FSTL4: variants seen among roughly 807,000 people sequenced by gnomAD.
FSTL4 encodes follistatin-related protein 4.
In FSTL4, 28 loss-of-function variants were observed where a neutral mutation model predicts 78.2. The observed-to-expected ratio is 0.36, with a 90% CI of 0.27 to 0.49. The LOEUF is 0.49. Ranked by LOEUF, FSTL4 falls within the 20% of genes least tolerant of loss-of-function variation. The probability of loss-of-function intolerance (pLI) is 0.98; values close to 1 mark genes in which losing one functional copy is unlikely to be tolerated. For synonymous variants in FSTL4, 422 were observed against 440.5 expected, an observed-to-expected ratio of 0.96 and a Z score of 0.53; for missense variants, 922 against 1,084.9, an observed-to-expected ratio of 0.85 and a Z score of 2.11.
the FSTL4 span, among the ~76,000 whole-genome samples, chr5:133,829,787 C>T: frequency 6.6e-6 from 1 of 152,174 alleles, no homozygotes; most frequent in East Asian, 1.9e-4. Context: ...TGCTGCCAGC[C>T]CTGAGGAAGA....
At chr5:133,495,022 T>C (rs1051319866) in intron 3 of FSTL4, among the ~76,000 whole-genome samples, 1 of 152,214 alleles carries the variant, frequency 6.6e-6, no homozygotes, top group African/African-American at 2.4e-5. Context: ...ATATCCATGT[T>C]GAATCAACAA....
At chr5:133,533,547 G>A (rs1331706881) in intron 3 of FSTL4, among the ~76,000 whole-genome samples, 2 of 152,144 alleles carry the variant, frequency 1.3e-5, no homozygotes, top group Non-Finnish European at 2.9e-5. Flanking sequence ...TGCCTGGCCA[G>A]TAAGTTTATA....
At chr5:133,696,338 C>T in the FSTL4 span, among the ~76,000 whole-genome samples, 1 of 152,236 alleles carries the variant, frequency 6.6e-6, no homozygotes, top group Non-Finnish European at 1.5e-5. Flanking sequence ...CCTGCCGAAG[C>T]CCTGTGACCA....
At chr5:133,423,659 C>T (rs1485498660) in intron 3 of FSTL4, among the ~76,000 whole-genome samples, 1 of 152,000 alleles carries the variant, frequency 6.6e-6, no homozygotes, top group Non-Finnish European at 1.5e-5. Flanking sequence ...GTAGTGGTGA[C>T]GGCAGGGATG....
the FSTL4 span, among the ~76,000 whole-genome samples, chr5:133,811,197 T>C: frequency 6.6e-6 from 1 of 152,198 alleles, no homozygotes; most frequent in Non-Finnish European, 1.5e-5. Flanking sequence ...AGTTCTGATA[T>C]AGACAATTAG....
chr5:133,668,917 C>T, the FSTL4 span, among the ~76,000 whole-genome samples: 6 of 152,146 alleles, frequency 3.9e-5, no homozygotes, highest in African/African-American at 1.4e-4. Flanking sequence ...AGAAATGTTT[C>T]CAAGTTTCAT....
chr5:133,422,547 C>A (rs2126988594), intron 3 of FSTL4, among the ~76,000 whole-genome samples: 2 of 147,990 alleles, frequency 1.4e-5, no homozygotes, highest in Middle Eastern at 3.5e-3. Context: ...GTGTCAAGAC[C>A]AGGTTTGGAA....
the FSTL4 span, among the ~76,000 whole-genome samples, chr5:133,723,992 A>G: frequency 1.3e-5 from 2 of 152,190 alleles, no homozygotes; most frequent in South Asian, 2.1e-4. Context: ...TGGCAGCAAA[A>G]TTGGGCAGGC....
At chr5:133,461,646 C>T (rs778668645) in intron 3 of FSTL4, among the ~76,000 whole-genome samples, 7 of 152,092 alleles carry the variant, frequency 4.6e-5, no homozygotes, top group Admixed American at 1.3e-4. Context: ...ATATCTGGGG[C>T]GCCCAATAAG....
chr5:133,818,418 T>G, the FSTL4 span, among the ~76,000 whole-genome samples: 1 of 152,124 alleles, frequency 6.6e-6, no homozygotes, highest in Non-Finnish European at 1.5e-5. Flanking sequence ...CTCCACTAGC[T>G]CTGTGTGCTG....
At chr5:133,804,859 G>A in the FSTL4 span, among the ~76,000 whole-genome samples, 3 of 149,532 alleles carry the variant, frequency 2.0e-5, no homozygotes, top group Admixed American at 1.3e-4. Context: ...CAGGAGAACG[G>A]CATGAACCCG....
intron 4 of FSTL4, among the ~76,000 whole-genome samples, chr5:133,378,267 T>C (rs1312852515): frequency 6.6e-6 from 1 of 152,216 alleles, no homozygotes; most frequent in East Asian, 1.9e-4. Context: ...TCTCCTTTCT[T>C]GTTAGCTGAT....
At position 133,339,088 on chromosome 5, in the gene FSTL4, C is replaced by T. The variant is rs542730932; in HGVS notation, c.410-22436G>A. ...CTCCAGCCTCATCCTTCCCCACTCA[C>T]ACACCCGTTCTGGCGACCCTGCGCC... On this transcript the variant is annotated intron_variant, in intron 4 of 15. Coordinates refer to ENST00000265342, the MANE Select transcript of FSTL4 (RefSeq NM_015082.2). 3.9e-5 allele frequency among the ~76,000 whole-genome samples: 6 copies of T among 152,292 alleles called. No individual in the cohort carries two copies. The South Asian group carries it at 1.2e-3, about 32-fold the overall frequency.
chr5:133,409,678 C>A (rs1241157929), intron 3 of FSTL4, among the ~76,000 whole-genome samples: 1 of 152,232 alleles, frequency 6.6e-6, no homozygotes, highest in Non-Finnish European at 1.5e-5. Flanking sequence ...CCACTTCATT[C>A]AGAGCTCAGC....
At chr5:133,821,804 C>T in the FSTL4 span, among the ~76,000 whole-genome samples, 1 of 152,082 alleles carries the variant, frequency 6.6e-6, no homozygotes, top group African/African-American at 2.4e-5. Context: ...GCAACATGCT[C>T]AGAAAGGACA....
At chr5:133,474,042 G>A (rs1212331290) in intron 3 of FSTL4, among the ~76,000 whole-genome samples, 5 of 152,096 alleles carry the variant, frequency 3.3e-5, no homozygotes, top group Non-Finnish European at 7.3e-5. Context: ...TTGCTACAGG[G>A]ATGGTATGAT....
At chr5:133,387,576 T>C (rs1480769580) in intron 4 of FSTL4, among the ~76,000 whole-genome samples, 2 of 152,200 alleles carry the variant, frequency 1.3e-5, no homozygotes, top group African/African-American at 4.8e-5. Flanking sequence ...TGCCTTTTCT[T>C]GGCAACAGAA....
chr5:133,635,937 A>G, the FSTL4 span, among the ~76,000 whole-genome samples: 1 of 152,216 alleles, frequency 6.6e-6, no homozygotes, highest in Non-Finnish European at 1.5e-5. Flanking sequence ...AATGACCATG[A>G]GTATGAGAAG....
intron 4 of FSTL4, among the ~76,000 whole-genome samples, chr5:133,331,888 T>G (rs1194635856): frequency 1.3e-5 from 2 of 152,210 alleles, no homozygotes; most frequent in African/African-American, 4.8e-5. Flanking sequence ...CTGAGGATTA[T>G]CTACACGGGA....
Sources: gnomAD v4.1 joint callset for allele counts (sites outside exome capture counted in the v4.1 genomes callset) on GRCh38, gnomAD v4.1.1 for gene constraint, MANE v1.5 for transcripts, NCBI Gene and HGNC (gene_info 2026-07-23, HGNC 2026-07-21) for gene names.